HDAC7: variants seen among roughly 807,000 people sequenced by gnomAD.
The protein encoded by HDAC7 is histone deacetylase 7.
A neutral mutation model predicts 115.5 loss-of-function variants in HDAC7; 26 were observed. The ratio of observed to expected loss-of-function variants is 0.23; its 90% confidence interval spans 0.16 to 0.31. The LOEUF is 0.31. Among genes scored for constraint, HDAC7 ranks in the 10% least tolerant of loss-of-function variants. The probability of loss-of-function intolerance (pLI) is 1.00; values close to 1 mark genes in which losing one functional copy is unlikely to be tolerated. For synonymous variants in HDAC7, 564 were observed against 550.9 expected (o/e 1.02, Z -0.33); for missense variants, 1,068 against 1,329.0 (o/e 0.80, Z 3.05).
chr12:47,807,248 T>A (rs550802754), intron 1 of HDAC7, among the ~76,000 whole-genome samples: 4 of 152,146 alleles, frequency 2.6e-5, no homozygotes, highest in African/African-American at 9.7e-5. Flanking sequence ...CCCCCTGCCC[T>A]ATCTCTTATC....
chr12:47,783,912 G>A, intron 25 of HDAC7, 26 bp from the exon 26 acceptor site: 11 of 1,613,046 alleles, frequency 6.8e-6, no homozygotes, highest in Non-Finnish European at 9.3e-6. Flanking sequence ...AGGGTGGGAT[G>A]CTGGAGCACC....
chr12:47,791,739 G>C (rs1258696354), intron 14 of HDAC7, 33 bp from the exon 15 acceptor site: 11 of 1,609,782 alleles, frequency 6.8e-6, no homozygotes, highest in Non-Finnish European at 9.3e-6. Context: ...CTGAGCTCAT[G>C]CTCGCCCCTT....
rs1194697022 is a variant in HDAC7 at position 47,785,803 on chromosome 12, T to C, written c.2655A>G (p.Thr885=). 1 of 1,611,146 alleles carries C rather than the reference T, an allele frequency of 6.2e-7. No homozygotes were observed. The change falls in exon 23 of 26, where the codon ACA becomes ACG. Residue 885 remains threonine, a synonymous_variant. Coordinates refer to ENST00000080059, the MANE Select transcript of HDAC7 (RefSeq NM_015401.5). The part of the protein sequence containing the change: ...VLALEGGHDL[T]AICDASEACV... ...AGGCCTCAGAGGCGTCACAGATGGC[T>C]GTGAGGTCATGGCCACCCTCCAAGG...
At chr12:47,786,981 C>T (rs1943203629) in intron 21 of HDAC7, among the ~76,000 whole-genome samples, 1 of 152,162 alleles carries the variant, frequency 6.6e-6, no homozygotes, top group Non-Finnish European at 1.5e-5. Context: ...GTGTGTGTGA[C>T]CATGTGTGTG....
chr12:47,801,756 A>C (rs1249032434), intron 2 of HDAC7, among the ~76,000 whole-genome samples: 1 of 152,212 alleles, frequency 6.6e-6, no homozygotes, highest in African/African-American at 2.4e-5. Context: ...GCCTAGCAGC[A>C]GAGGAGGCTC....
chr12:47,785,857 C>A lies in HDAC7; in HGVS notation c.2601G>T (p.Met867Ile). 6.2e-7 allele frequency: 1 copy of A among 1,609,500 alleles called. No individual in the cohort carries two copies. The highest frequency in any genetic ancestry group is 1.7e-5 in the Admixed American group (1 of 59,348). ...KCFGYMTQQLMNLAGGAVVLA... is the reference protein window; with the variant it reads ...KCFGYMTQQLINLAGGAVVLA... ...GCACCACTGCGCCTCCTGCCAGGTTCATCAGTTGCTGCGTCATGTATCCAA... is the reference window on the plus strand; with the variant it reads ...GCACCACTGCGCCTCCTGCCAGGTTAATCAGTTGCTGCGTCATGTATCCAA... Residue 867 changes from methionine (M) to isoleucine (I), a missense_variant, in exon 23 of 26, where the codon ATG becomes ATT. Met to Ile is a conservative substitution (Grantham distance 10). Coordinates refer to ENST00000080059, the MANE Select transcript of HDAC7 (RefSeq NM_015401.5).
intron 17 of HDAC7, 87 bp from the exon 18 acceptor site, chr12:47,789,665 T>G: frequency 6.7e-7 from 1 of 1,503,472 alleles, no homozygotes. Context: ...AATCTCAACC[T>G]GGTTCCCAGA....
At chr12:47,814,206 C>T (rs9645810) in intron 1 of HDAC7, among the ~76,000 whole-genome samples, 3,868 of 152,306 alleles carry the variant, frequency 0.025, 70 homozygotes, top group Non-Finnish European at 0.041. Flanking sequence ...TCAGGTTTTT[C>T]CCGTGTGCCT....
rs77196930 is a variant in HDAC7, at chr12:47,817,175, C to T, written c.19+2592G>A. ...CCGGGCTTCCTGCTGTGTTGCCCAC[C>T]CCCAGCTCACTGCTCTCACAGCCTC... On this transcript the variant is annotated intron_variant, in intron 1 of 25. Coordinates refer to ENST00000080059, the MANE Select transcript of HDAC7 (RefSeq NM_015401.5). 8.2e-3 allele frequency among the ~76,000 whole-genome samples: 1,256 copies of T among 152,328 alleles called. 12 individuals are homozygous for T. The highest frequency in any genetic ancestry group is 0.021 in the East Asian group (109 of 5,186).
intron 1 of HDAC7, among the ~76,000 whole-genome samples, chr12:47,818,202 A>G (rs1944903459): frequency 6.6e-6 from 1 of 152,128 alleles, no homozygotes; most frequent in Non-Finnish European, 1.5e-5. Flanking sequence ...TAAGGGACAC[A>G]GAGGCCTCTG....
chr12:47,787,723 C>G lies in HDAC7; in HGVS notation c.2442G>C (p.Leu814=). 2 of 1,610,414 alleles carry G rather than the reference C, an allele frequency of 1.2e-6. No homozygotes were observed. Among genetic ancestry groups the G allele is most frequent in the Non-Finnish European group, 8.5e-7 (1 of 1,178,626 alleles). Residue 814 remains leucine, a synonymous_variant, in exon 21 of 26, where the codon CTG becomes CTC. Transcript: ENST00000080059. ...LDPPMGDPEY[L]AAFRIVVMPI... is the part of the protein sequence containing the mutation. ...CCCAGAGCACGTACCTGAAAGCAGC[C>G]AGGTACTCAGGATCCCCCATGGGGG...
chr12:47,795,504 GAGGA>G lies in HDAC7; in HGVS notation c.1087+79_1087+82del. The G allele has an allele frequency of 6.9e-7, 1 of 1,448,982 alleles. No individual in the cohort carries two copies. The highest frequency in any genetic ancestry group is 9.4e-7 in the Non-Finnish European group (1 of 1,061,094). The allele number at this position is 1,448,982 out of a possible 1,614,324, so 89.8% of individuals were successfully genotyped here. Reference sequence around the variant, plus strand: ...CGCAGGACAGGGGGACAGAGATGGGGAGGAAGGATGGGTCCATCCCAAGCTTGGC... The same window carrying G: ...CGCAGGACAGGGGGACAGAGATGGGGAGGATGGGTCCATCCCAAGCTTGGC... On this transcript the variant is annotated intron_variant, in intron 10 of 25. Coordinates refer to ENST00000080059, the MANE Select transcript of HDAC7 (RefSeq NM_015401.5). The surrounding 1 kb of genome is among the most constrained non-coding windows in gnomAD (Gnocchi z 4.3).
Position 47,793,977 on chromosome 12 carries a change from T to C in HDAC7, c.1459-389A>G, listed in dbSNP as rs1346011324. Among the ~76,000 whole-genome samples the C allele has an allele frequency of 1.3e-5, 2 of 152,190 alleles. No homozygotes were observed. The highest frequency in any genetic ancestry group is 4.8e-5 in the African/African-American group (2 of 41,430). On this transcript the variant is annotated intron_variant, in intron 12 of 25. Coordinates refer to ENST00000080059, the MANE Select transcript of HDAC7 (RefSeq NM_015401.5). The surrounding 1 kb of genome is among the most constrained non-coding windows in gnomAD (Gnocchi z 4.5). ...AAATTATGTTCCCCACCCTCAAATT[T>C]ATATGTTGAAGTCCCAACCCCCAGT...
At chr12:47,820,113 G>A (rs1441058734), upstream of HDAC7, 1 of 151,036 alleles carries the variant, frequency 6.6e-6, no homozygotes, top group African/African-American at 2.4e-5. This position sits in a 1 kb window ranked among gnomAD's most constrained non-coding sequence, Gnocchi z 4.3. Flanking sequence ...GCCAGATCGC[G>A]GCGGGGCGCG....
rs1565800694 is a variant in HDAC7 at position 47,791,450 on chromosome 12, G to A, written c.1933+136C>T. On this transcript the variant is annotated intron_variant, in intron 15 of 25. Coordinates refer to ENST00000080059, the MANE Select transcript of HDAC7 (RefSeq NM_015401.5). ...GGAGAGGTGGAGGTGGGCTGAGGAGGGGCTTGGCAGCAAGCTGGAGTAGGG... is the reference window on the plus strand; with the variant it reads ...GGAGAGGTGGAGGTGGGCTGAGGAGAGGCTTGGCAGCAAGCTGGAGTAGGG... 5.7e-6 allele frequency: 8 copies of A among 1,393,490 alleles called. No individual in the cohort carries two copies. The East Asian group carries it at 1.8e-4, about 31-fold the overall frequency. 86.3% of individuals were successfully genotyped at this position (1,393,490 alleles called of 1,614,324 possible). A position where few individuals can be genotyped will look rare whatever the true frequency, so the allele number is the denominator to read the frequency against.
intron 2 of HDAC7, among the ~76,000 whole-genome samples, chr12:47,800,710 T>A (rs995523164): frequency 2.6e-5 from 4 of 152,194 alleles, no homozygotes; most frequent in Non-Finnish European, 5.9e-5. Flanking sequence ...CAAGAGGGGC[T>A]TGGGGGAACC....
chr12:47,789,488 C>G, intron 18 of HDAC7, 35 bp downstream of exon 18: 5 of 1,609,988 alleles, frequency 3.1e-6, no homozygotes, highest in Middle Eastern at 1.7e-4. Flanking sequence ...GCTTGCCCCC[C>G]ACCTCATCCC....
Position 47,789,730 on chromosome 12 carries a change from C to T in HDAC7, c.2091+83G>A, listed in dbSNP as rs893164473. On this transcript the variant is annotated intron_variant, in intron 17 of 25. Coordinates refer to ENST00000080059, the MANE Select transcript of HDAC7 (RefSeq NM_015401.5). ...GCAATCTCTAAGAGGAATGCGATGC[C>T]TGGGGTTCTGGGCCTGGATTCCCCA... 4.4e-6 allele frequency: 6 copies of T among 1,363,468 alleles called. No homozygotes were observed. The African/African-American group carries it at 7.1e-5, about 16-fold the overall frequency. 84.5% of individuals were successfully genotyped at this position (1,363,468 alleles called of 1,614,324 possible).
Position 47,793,320 on chromosome 12 carries a change from C to A in HDAC7, c.1678+49G>T. The A allele has an allele frequency of 5.2e-6, 7 of 1,338,762 alleles. No homozygotes were observed. The highest frequency in any genetic ancestry group is 1.4e-5 in the South Asian group (1 of 69,370). 82.9% of individuals were successfully genotyped at this position (1,338,762 alleles called of 1,614,324 possible). ...TGACACCAAGACACCCACATGGACT[C>A]GTGCAGCCGAGCCCCTCCCTCCACC... On this transcript the variant is annotated intron_variant, in intron 13 of 25. Transcript: ENST00000080059. This position sits in a 1 kb window ranked among gnomAD's most constrained non-coding sequence, Gnocchi z 4.5.
Sources: gnomAD v4.1 joint callset for allele counts (sites outside exome capture counted in the v4.1 genomes callset) on GRCh38, gnomAD v4.1.1 for gene constraint, Gnocchi (gnomAD v3.1) non-coding constraint, MANE v1.5 for transcripts, NCBI Gene and HGNC (gene_info 2026-07-23, HGNC 2026-07-21) for gene names.